The following PPP1R9B variants were observed in gnomAD, a reference collection of about 807,000 sequenced individuals.
PPP1R9B encodes neurabin-2.
In PPP1R9B, 17 loss-of-function variants were observed where a neutral mutation model predicts 75.8. The observed-to-expected ratio is 0.22, with a 90% CI of 0.15 to 0.34. PPP1R9B has a LOEUF of 0.34. Among genes scored for constraint, PPP1R9B ranks in the 10% least tolerant of loss-of-function variants. The pLI is 1.00. For synonymous variants in PPP1R9B, 509 were observed against 535.4 expected (o/e 0.95, Z 0.68); for missense variants, 875 against 1,196.0 (o/e 0.73, Z 3.96).
intron 1 of PPP1R9B, among the ~76,000 whole-genome samples, chr17:50,146,955 C>A (rs1486965750): frequency 6.6e-6 from 1 of 152,182 alleles, no homozygotes; most frequent in Non-Finnish European, 1.5e-5. Context: ...TCCCCTGACT[C>A]TCACCCTCTG....
At chr17:50,145,652 A>G (rs1420373082) in intron 1 of PPP1R9B, among the ~76,000 whole-genome samples, 2 of 149,944 alleles carry the variant, frequency 1.3e-5, no homozygotes, top group African/African-American at 5.1e-5. Flanking sequence ...CACAGAGAGG[A>G]AGGAACAGGC....
chr17:50,145,857 G>A (rs1364101142), intron 1 of PPP1R9B, among the ~76,000 whole-genome samples: 1 of 152,112 alleles, frequency 6.6e-6, no homozygotes, highest in East Asian at 1.9e-4. Context: ...AGGGAAGCAG[G>A]AAAGACCATC....
rs574020052 is a variant in PPP1R9B, at chr17:50,145,025, T to C, written c.1504+88A>G. Reference sequence around the variant, plus strand: ...GGCCCAGCAAGTCTGTGGGAGCCCCTGAGGGCACAGGGCAGGAGCTGGTGC... The same window carrying C: ...GGCCCAGCAAGTCTGTGGGAGCCCCCGAGGGCACAGGGCAGGAGCTGGTGC... On this transcript the variant is annotated intron_variant, in intron 2 of 9. Coordinates refer to ENST00000612501, the MANE Select transcript of PPP1R9B (RefSeq NM_032595.5). 3 of 1,499,734 alleles carry C rather than the reference T, an allele frequency of 2.0e-6. No individual in the cohort carries two copies. The African/African-American group carries it at 4.1e-5, about 21-fold the overall frequency. 92.9% of individuals were successfully genotyped at this position (1,499,734 alleles called of 1,614,324 possible). A position where few individuals can be genotyped will look rare whatever the true frequency, so the allele number is the denominator to read the frequency against.
At chr17:50,137,709 C>A (rs1372002928) in intron 7 of PPP1R9B, among the ~76,000 whole-genome samples, 2 of 152,206 alleles carry the variant, frequency 1.3e-5, no homozygotes, top group Admixed American at 6.5e-5. Flanking sequence ...ATACCCCATG[C>A]TATCTGTAGG....
At position 50,139,161 on chromosome 17, in the gene PPP1R9B, C is replaced by G; in HGVS notation, c.2073+102G>C. On this transcript the variant is annotated intron_variant, in intron 7 of 9. Coordinates refer to ENST00000612501, the MANE Select transcript of PPP1R9B (RefSeq NM_032595.5). This position sits in a 1 kb window ranked among gnomAD's most constrained non-coding sequence, Gnocchi z 5.0. ...TTTAGAGCAGCTTGTTCTGTGGGTA[C>G]CTGTGCCTAAGTGTCAGCATGTGCA... The G allele has an allele frequency of 7.6e-7, 1 of 1,309,292 alleles. No individual in the cohort carries two copies. 81.1% of individuals were successfully genotyped at this position (1,309,292 alleles called of 1,614,324 possible). A position where few individuals can be genotyped will look rare whatever the true frequency, so the allele number is the denominator to read the frequency against.
At position 50,149,490 on chromosome 17, in the gene PPP1R9B, C is replaced by T. The variant is rs748613757; in HGVS notation, c.1024G>A (p.Ala342Thr). 2.5e-6 allele frequency: 4 copies of T among 1,598,410 alleles called. No individual in the cohort carries two copies. In the East Asian group the frequency reaches 9.1e-5, roughly 36 times the overall value. Residue 342 changes from alanine to threonine, a missense_variant, in exon 1 of 10, where the codon GCG becomes ACG. Ala to Thr is a moderately conservative substitution (Grantham distance 58). Around this residue, in one of 4 missense-constraint regions of PPP1R9B, gnomAD observed 449 missense variants for 475.0 expected, o/e 0.95. Transcript: ENST00000612501. This position sits in a 1 kb window ranked among gnomAD's most constrained non-coding sequence, Gnocchi z 7.2. ...GCTTGGGCCTTTGGCTCCTCGGGCG[C>T]GGGGCTGGCTGCAGTTGCCACGGTG... ...GSTVATAASP[A>T]PEEPKAQAAP...
chr17:50,149,551 G>C lies in PPP1R9B; in HGVS notation c.963C>G (p.Ala321=). 1.3e-6 allele frequency: 2 copies of C among 1,589,542 alleles called. No homozygotes were observed. The highest frequency in any genetic ancestry group is 1.7e-6 in the Non-Finnish European group (2 of 1,170,702). The change falls in exon 1 of 10, where the codon GCC becomes GCG. Residue 321 remains alanine, a synonymous_variant. Coordinates refer to ENST00000612501, the MANE Select transcript of PPP1R9B (RefSeq NM_032595.5). This position sits in a 1 kb window ranked among gnomAD's most constrained non-coding sequence, Gnocchi z 7.2. The part of the protein sequence containing the change: ...AESAPGEVIQ[A]EVTVHAALEN... ...CCAGGGCCGCGTGGACCGTAACCTC[G>C]GCCTGGATCACCTCCCCGGGCGCCG...
At chr17:50,137,947 T>C (rs1033244194) in intron 7 of PPP1R9B, among the ~76,000 whole-genome samples, 1 of 152,126 alleles carries the variant, frequency 6.6e-6, no homozygotes, top group African/African-American at 2.4e-5. Context: ...TACCCCCATG[T>C]GGGAGGGTAC....
rs1912411092 is a variant in PPP1R9B, at chr17:50,142,464, G to A, written c.1626-1091C>T. On this transcript the variant is annotated intron_variant, in intron 3 of 9. Transcript: ENST00000612501. This position sits in a 1 kb window ranked among gnomAD's most constrained non-coding sequence, Gnocchi z 4.1. ...TGGGAGGGGAAGGGGTAAATGAAAG[G>A]GTATCCTGTTCCCGGCCCCTCTCCA... Among the ~76,000 whole-genome samples, 1 of 152,118 alleles carries A rather than the reference G, an allele frequency of 6.6e-6. No homozygotes were observed.
intron 4 of PPP1R9B, 197 bp from the exon 5 acceptor site, chr17:50,140,425 G>C (rs1249925013): frequency 2.8e-6 from 2 of 706,430 alleles, no homozygotes; most frequent in East Asian, 5.5e-5. Flanking sequence ...AGGGAGGCAG[G>C]AAGGCCCATT....
intron 1 of PPP1R9B, among the ~76,000 whole-genome samples, chr17:50,148,680 C>G (rs1157444845): frequency 6.6e-6 from 1 of 152,264 alleles, no homozygotes; most frequent in African/African-American, 2.4e-5. Context: ...TTTCCCCTTT[C>G]TCACCTCATC....
intron 1 of PPP1R9B, among the ~76,000 whole-genome samples, chr17:50,148,288 C>T (rs1187016430): frequency 6.6e-6 from 1 of 152,256 alleles, no homozygotes; most frequent in Non-Finnish European, 1.5e-5. Flanking sequence ...TTCAGGGCTC[C>T]CAGAGAATGT....
chr17:50,140,195 C>T lies in PPP1R9B; in HGVS notation c.1764G>A (p.Gln588=), dbSNP rs970967422. Reference sequence around the variant, plus strand: ...GCTGAATTAGCTGGGCCACTTCGCTCTGCTCTCCCGGCCGCTCCCGGCCAA... The same window carrying T: ...GCTGAATTAGCTGGGCCACTTCGCTTTGCTCTCCCGGCCGCTCCCGGCCAA... ...FMIGRERPGE[Q]SEVAQLIQQT... Residue 588 remains glutamine, a synonymous_variant, in exon 5 of 10, where the codon CAG becomes CAA. Coordinates refer to ENST00000612501, the MANE Select transcript of PPP1R9B (RefSeq NM_032595.5). 3.1e-6 allele frequency: 5 copies of T among 1,607,228 alleles called. No homozygotes were observed. The African/African-American group carries it at 5.3e-5, about 17-fold the overall frequency.
chr17:50,145,271 G>C (rs1378211269), intron 1 of PPP1R9B, 26 bp from the exon 2 acceptor site: 1 of 1,611,480 alleles, frequency 6.2e-7, no homozygotes, highest in Admixed American at 1.7e-5. Flanking sequence ...GCTGGTCAGA[G>C]AGGCCGGCAG....
intron 7 of PPP1R9B, among the ~76,000 whole-genome samples, chr17:50,137,939 C>A (rs1912270176): frequency 6.6e-6 from 1 of 152,216 alleles, no homozygotes; most frequent in African/African-American, 2.4e-5. Flanking sequence ...CTCCTGCATA[C>A]CCCCATGTGG....
Position 50,149,243 on chromosome 17 carries a change from G to A in PPP1R9B, c.1271C>T (p.Pro424Leu). ...CACGCACCCCGACTCGGGCTCGTAG[G>A]GGGGCTCCCCATCCTCCTCGTCGTC... ...DEDDEEDGEP[P>L]YEPESGCVEI... is the part of the protein sequence containing the mutation. Residue 424 changes from proline to leucine, a missense_variant, in exon 1 of 10, where the codon CCC becomes CTC. Around this residue, in one of 4 missense-constraint regions of PPP1R9B, gnomAD observed 449 missense variants for 475.0 expected, o/e 0.95. Transcript: ENST00000612501. The surrounding 1 kb of genome is among the most constrained non-coding windows in gnomAD (Gnocchi z 7.2). 6.2e-7 allele frequency: 1 copy of A among 1,610,934 alleles called. No individual in the cohort carries two copies. Among genetic ancestry groups the A allele is most frequent in the African/African-American group, 1.3e-5 (1 of 74,764 alleles).
At chr17:50,148,664 C>T (rs1344806879) in intron 1 of PPP1R9B, among the ~76,000 whole-genome samples, 1 of 152,360 alleles carries the variant, frequency 6.6e-6, no homozygotes, top group South Asian at 2.1e-4. Flanking sequence ...TTGAGAAGTT[C>T]CTGGCTTTCC....
intron 3 of PPP1R9B, 104 bp from the exon 4 acceptor site, chr17:50,141,477 A>G: frequency 1.5e-6 from 1 of 659,228 alleles, no homozygotes; most frequent in East Asian, 3.0e-5. Context: ...CTGAGTACAT[A>G]GTGAGAACTC....
intron 3 of PPP1R9B, 66 bp from the exon 4 acceptor site, chr17:50,141,439 T>C: frequency 9.3e-7 from 1 of 1,078,174 alleles, no homozygotes; most frequent in South Asian, 1.4e-5. Context: ...GGTAGCCTCC[T>C]CCCATCAGAA....
Sources: gnomAD v4.1 joint callset for allele counts (sites outside exome capture counted in the v4.1 genomes callset) on GRCh38, gnomAD v4.1.1 for gene constraint, gnomAD v4.1.1 regional missense constraint, Gnocchi (gnomAD v3.1) non-coding constraint, MANE v1.5 for transcripts, NCBI Gene and HGNC (gene_info 2026-07-23, HGNC 2026-07-21) for gene names.